Variants in ZBTB7C observed in about 807,000 individuals in gnomAD.
ZBTB7C encodes the protein zinc finger and BTB domain-containing protein 7C.
ZBTB7C carries 8 observed loss-of-function variants against 25.7 expected under a neutral mutation model. That is an observed-to-expected ratio of 0.31 (90% confidence interval 0.18 to 0.56). ZBTB7C has a LOEUF of 0.56. Ranked by LOEUF, ZBTB7C falls within the 20% of genes least tolerant of loss-of-function variation. The pLI is 0.91. For synonymous variants in ZBTB7C, 394 were observed against 369.0 expected, an observed-to-expected ratio of 1.07 and a Z score of -0.78; for missense variants, 824 against 855.2, an observed-to-expected ratio of 0.96 and a Z score of 0.46.
intron 3 of ZBTB7C, among the ~76,000 whole-genome samples, chr18:48,084,245 G>A (rs1161948406): frequency 6.6e-6 from 1 of 152,170 alleles, no homozygotes; most frequent in Non-Finnish European, 1.5e-5. Flanking sequence ...GCGGGGCAGT[G>A]GGGAGCAAAG....
chr18:48,257,173 T>C (rs890234720), intron 2 of ZBTB7C, among the ~76,000 whole-genome samples: 3 of 151,970 alleles, frequency 2.0e-5, no homozygotes, highest in Non-Finnish European at 4.4e-5. Context: ...CTAATACTAA[T>C]GAAAAGAAAG....
intron 3 of ZBTB7C, chr18:48,148,776 A>G (rs2040575407): frequency 6.6e-6 from 1 of 152,198 alleles, no homozygotes; most frequent in African/African-American, 2.4e-5. Flanking sequence ...AAAAAGGCCT[A>G]TGTGATCGAT....
At chr18:48,347,739 T>C (rs1297242003) in intron 1 of ZBTB7C, among the ~76,000 whole-genome samples, 1 of 151,782 alleles carries the variant, frequency 6.6e-6, no homozygotes, top group Non-Finnish European at 1.5e-5. Context: ...AGCCTGGAGG[T>C]TGTGGTCACA....
chr18:48,341,997 A>G lies in ZBTB7C; in HGVS notation c.-303-3599T>C, dbSNP rs535121903. Among the ~76,000 whole-genome samples the G allele has an allele frequency of 2.6e-5, 4 of 152,352 alleles. No individual in the cohort carries two copies. The South Asian group carries it at 6.2e-4, about 24-fold the overall frequency. ...ATCAGGGCCATTGTGGGGCTCAGGC[A>G]GGGACAGTGCCCTGGGCACCCAGGA... On this transcript the variant is annotated intron_variant, in intron 1 of 4. Transcript: ENST00000590800.
intron 2 of ZBTB7C, among the ~76,000 whole-genome samples, chr18:48,190,965 C>G (rs1380566219): frequency 6.6e-6 from 1 of 152,230 alleles, no homozygotes; most frequent in African/African-American, 2.4e-5. Context: ...CTTGGAGTCT[C>G]TTTTGGGGAA....
At chr18:48,319,846 C>A (rs1474950330) in intron 2 of ZBTB7C, among the ~76,000 whole-genome samples, 1 of 152,034 alleles carries the variant, frequency 6.6e-6, no homozygotes, top group Non-Finnish European at 1.5e-5. Context: ...GAGACTGTCA[C>A]ATGCCAAATA....
intron 1 of ZBTB7C, among the ~76,000 whole-genome samples, chr18:48,379,145 T>C (rs990127993): frequency 1.3e-5 from 2 of 152,188 alleles, no homozygotes; most frequent in Non-Finnish European, 2.9e-5. Flanking sequence ...TTGTCTTTCC[T>C]CCTTTGTCAA....
chr18:48,151,963 C>T (rs1362341115), intron 3 of ZBTB7C, among the ~76,000 whole-genome samples: 1 of 152,130 alleles, frequency 6.6e-6, no homozygotes, highest in Non-Finnish European at 1.5e-5. Flanking sequence ...AGGGGAGGGA[C>T]ACAGGCCAGC....
chr18:48,332,452 G>T (rs1464123983), intron 2 of ZBTB7C, among the ~76,000 whole-genome samples: 1 of 152,126 alleles, frequency 6.6e-6, no homozygotes, highest in African/African-American at 2.4e-5. Flanking sequence ...TTGATTTGGG[G>T]GTTTGGATGG....
chr18:48,158,472 T>G (rs1221073839), intron 3 of ZBTB7C, among the ~76,000 whole-genome samples: 1 of 151,816 alleles, frequency 6.6e-6, no homozygotes, highest in East Asian at 1.9e-4. Context: ...TACTTCTCCC[T>G]CCCTGGTCCT....
chr18:48,366,574 C>T lies in ZBTB7C; in HGVS notation c.-303-28176G>A, dbSNP rs1411177637. On this transcript the variant is annotated intron_variant, in intron 1 of 4. Coordinates refer to ENST00000590800, the MANE Select transcript of ZBTB7C (RefSeq NM_001318841.2). ...ATTTCCTTGCTACGTAATTATTGTG[C>T]ATTTACAAACACGTACAAGTCCATA... Among the ~76,000 whole-genome samples the T allele has an allele frequency of 3.3e-5, 5 of 152,170 alleles. No homozygotes were observed. The East Asian group carries it at 9.6e-4, about 29-fold the overall frequency.
At chr18:48,075,590 C>T (rs2037732366) in intron 3 of ZBTB7C, among the ~76,000 whole-genome samples, 1 of 152,182 alleles carries the variant, frequency 6.6e-6, no homozygotes, top group Non-Finnish European at 1.5e-5. Flanking sequence ...CCTGCCTCCC[C>T]ACTCCCAGGA....
rs148867925 is a variant in ZBTB7C, at chr18:48,210,491, G to A, written c.-78-24496C>T. Among the ~76,000 whole-genome samples, 647 of 152,332 alleles carry A rather than the reference G, an allele frequency of 4.2e-3. 1 individual carries two copies. The highest frequency in any genetic ancestry group is 7.1e-3 in the Non-Finnish European group (483 of 68,024). ...ACAGAATCCAGCCTTAAAAAGGAATGAAGTTCTGATAAATGCTACAGCATG... is the reference window on the plus strand; with the variant it reads ...ACAGAATCCAGCCTTAAAAAGGAATAAAGTTCTGATAAATGCTACAGCATG... On this transcript the variant is annotated intron_variant, in intron 2 of 4. Transcript: ENST00000590800.
At chr18:48,137,498 T>C (rs957264423) in intron 3 of ZBTB7C, 3 of 197,434 alleles carry the variant, frequency 1.5e-5, no homozygotes, top group Admixed American at 1.3e-4. Flanking sequence ...TATTATTGTT[T>C]TATTCAATTC....
chr18:48,264,942 G>A (rs566780746), intron 2 of ZBTB7C, among the ~76,000 whole-genome samples: 255 of 152,352 alleles, frequency 1.7e-3, no homozygotes, highest in African/African-American at 5.9e-3. Context: ...AAGACAGAAT[G>A]GTTATGCCAC....
chr18:48,175,865 C>G (rs1481881341), intron 3 of ZBTB7C, among the ~76,000 whole-genome samples: 1 of 152,190 alleles, frequency 6.6e-6, no homozygotes, highest in African/African-American at 2.4e-5. Flanking sequence ...TAAAAACATT[C>G]TGTTGCTTAC....
intron 3 of ZBTB7C, among the ~76,000 whole-genome samples, chr18:48,116,434 G>A (rs2039442775): frequency 1.3e-5 from 2 of 152,200 alleles, no homozygotes; most frequent in South Asian, 4.1e-4. Context: ...ATGGCATTTG[G>A]AGAGCCATCC....
chr18:48,079,252 T>A (rs887687481), intron 3 of ZBTB7C, among the ~76,000 whole-genome samples: 1 of 152,216 alleles, frequency 6.6e-6, no homozygotes, highest in African/African-American at 2.4e-5. Context: ...ATTTTTCAGT[T>A]CAACCACAGG....
chr18:48,151,144 G>A (rs1313075869), intron 3 of ZBTB7C, among the ~76,000 whole-genome samples: 3 of 152,216 alleles, frequency 2.0e-5, no homozygotes, highest in Admixed American at 6.5e-5. Context: ...CAGGTGTGTT[G>A]TGGCTGGAGG....
Sources: allele counts gnomAD v4.1 joint callset (sites outside exome capture counted in the v4.1 genomes callset), GRCh38; gene constraint gnomAD v4.1.1; transcripts MANE v1.5; gene names NCBI Gene and HGNC (gene_info 2026-07-23, HGNC 2026-07-21).